ZNF705B: variants seen among roughly 807,000 people sequenced by gnomAD.
The protein encoded by ZNF705B is Putative zinc finger protein 705D-like protein LOC100132396.
Under a neutral mutation model 10.5 loss-of-function variants are expected in ZNF705B, and 1 was observed. The ratio of observed to expected loss-of-function variants is 0.10; its 90% confidence interval spans 0.03 to 0.45. The LOEUF is 0.45. ZNF705B is among the 20% of genes least tolerant of loss of function. The pLI is 0.97. For missense variants in ZNF705B, 14 were observed against 84.0 expected (o/e 0.17, Z 3.26); for synonymous variants, 4 against 25.4 (o/e 0.16, Z 2.53).
At chr8:7,929,281 A>G (rs1819778094) in intron 1 of ZNF705B, among the ~76,000 whole-genome samples, 1 of 121,824 alleles carries the variant, frequency 8.2e-6, no homozygotes, top group African/African-American at 2.5e-5. Flanking sequence ...GCAATTTTAA[A>G]ATAGCTGCCC....
intron 2 of ZNF705B, among the ~76,000 whole-genome samples, chr8:7,932,074 C>T (rs1470614874): frequency 1.3e-4 from 16 of 120,020 alleles, no homozygotes; most frequent in African/African-American, 3.8e-4. Context: ...CGATCCAGTG[C>T]CAACTCCTTC....
At chr8:7,928,951 C>T (rs1422245123) in intron 1 of ZNF705B, among the ~76,000 whole-genome samples, 4 of 112,650 alleles carry the variant, frequency 3.6e-5, no homozygotes, top group African/African-American at 5.2e-5. Flanking sequence ...CTCAGAAGGC[C>T]GCAGGGCTAG....
chr8:7,932,929 G>C (rs1185475872), intron 2 of ZNF705B, among the ~76,000 whole-genome samples: 5 of 107,564 alleles, frequency 4.6e-5, no homozygotes, highest in Admixed American at 2.3e-4. Flanking sequence ...GTGACAGGTG[G>C]TAAAAGCACT....
rs1563492016 is a variant in ZNF705B, at chr8:7,930,853, T to TG, written c.-72+417_-72+418insG. ...TGTTGTGTTATTTTTTTTGTTTTTTTTTTTGTTGTTGTTGTTGTTTTGAGA... is the reference window on the plus strand; with the variant it reads ...TGTTGTGTTATTTTTTTTGTTTTTTTGTTTTGTTGTTGTTGTTGTTTTGAGA... On this transcript the variant is annotated intron_variant, in intron 2 of 6. Transcript: ENST00000400120. Among the ~76,000 whole-genome samples the TG allele has an allele frequency of 5.9e-4, 64 of 108,904 alleles. 2 individuals are homozygous for TG. Among genetic ancestry groups the TG allele is most frequent in the African/African-American group, 1.6e-3 (60 of 38,348 alleles). The allele number at this position is 108,904 out of a possible 152,430, so 71.4% of individuals were successfully genotyped here.
Position 7,936,669 on chromosome 8 carries a change from A to G in ZNF705B, c.-72+6233A>G, listed in dbSNP as rs565842365. On this transcript the variant is annotated intron_variant, in intron 2 of 6. Transcript: ENST00000400120. ...CTCAGTTATAAGGGGGAGCCGAGCA[A>G]TGAGTGCACATGGACATAAAAATGG... 1.1e-4 allele frequency among the ~76,000 whole-genome samples: 13 copies of G among 118,498 alleles called. No individual in the cohort carries two copies. The South Asian group carries it at 3.5e-3, about 32-fold the overall frequency. 77.7% of individuals were successfully genotyped at this position (118,498 alleles called of 152,430 possible). A position where few individuals can be genotyped will look rare whatever the true frequency, so the allele number is the denominator to read the frequency against.
At chr8:7,931,642 C>T (rs576449986) in intron 2 of ZNF705B, among the ~76,000 whole-genome samples, 2 of 122,220 alleles carry the variant, frequency 1.6e-5, no homozygotes, top group African/African-American at 5.0e-5. Context: ...TGGAATAGTG[C>T]CCAGGCAGGT....
chr8:7,927,619 G>A (rs1328916631), intron 1 of ZNF705B, among the ~76,000 whole-genome samples: 2 of 118,380 alleles, frequency 1.7e-5, no homozygotes, highest in Non-Finnish European at 4.0e-5. Context: ...CAAACAGTAG[G>A]AGGTTGACAC....
chr8:7,935,261 C>G (rs1460542009), intron 2 of ZNF705B, among the ~76,000 whole-genome samples: 74 of 131,174 alleles, frequency 5.6e-4, no homozygotes, highest in Middle Eastern at 4.5e-3. Flanking sequence ...CAATTTTTCT[C>G]TAGAAACCAT....
chr8:7,928,872 T>C (rs1219540393), intron 1 of ZNF705B, among the ~76,000 whole-genome samples: 2 of 106,040 alleles, frequency 1.9e-5, no homozygotes, highest in African/African-American at 5.3e-5. Flanking sequence ...CCAAGTGCTC[T>C]CATTTATAAG....
At chr8:7,929,892 T>TG (rs200827553) in intron 1 of ZNF705B, among the ~76,000 whole-genome samples, 1 of 14,648 alleles carries the variant, frequency 6.8e-5, no homozygotes, top group African/African-American at 9.0e-5. Context: ...TTGGCTAAAA[T>TG]AAAAGTGCAA....
chr8:7,927,842 C>G (rs1186233144), intron 1 of ZNF705B, among the ~76,000 whole-genome samples: 1 of 144,618 alleles, frequency 6.9e-6, no homozygotes, highest in African/African-American at 2.5e-5. Flanking sequence ...TCTCTGATGT[C>G]TACATCTCAT....
At chr8:7,926,688 C>A (rs918670676) in intron 1 of ZNF705B, among the ~76,000 whole-genome samples, 1 of 110,362 alleles carries the variant, frequency 9.1e-6, no homozygotes, top group Non-Finnish European at 2.2e-5. Flanking sequence ...GAACACTGAC[C>A]TTTACCCACT....
At position 7,941,229 on chromosome 8, in the gene ZNF705B, G is replaced by A. The variant is rs1395435816; in HGVS notation, c.-71-6122G>A. Among the ~76,000 whole-genome samples, 333 of 144,772 alleles carry A rather than the reference G, an allele frequency of 2.3e-3. 5 individuals carry two copies. Among genetic ancestry groups the A allele is most frequent in the African/African-American group, 7.7e-3 (308 of 39,882 alleles). 95.0% of individuals were successfully genotyped at this position (144,772 alleles called of 152,430 possible). On this transcript the variant is annotated intron_variant, in intron 2 of 6. Coordinates refer to ENST00000400120, the MANE Select transcript of ZNF705B (RefSeq NM_001193630.1). ...CAGTAATGGGATTGCTGGGTCAAGC[G>A]GTATTTCTGGTTGTAGGTCTTTGAG...
rs1223723867 is a variant in ZNF705B at position 7,927,283 on chromosome 8, A to C, written c.-222+886A>C. Among the ~76,000 whole-genome samples, 35 of 119,982 alleles carry C rather than the reference A, an allele frequency of 2.9e-4. 6 individuals carry two copies. Among genetic ancestry groups the C allele is most frequent in the African/African-American group, 8.3e-4 (33 of 39,788 alleles). 78.7% of individuals were successfully genotyped at this position (119,982 alleles called of 152,430 possible). A position where few individuals can be genotyped will look rare whatever the true frequency, so the allele number is the denominator to read the frequency against. Reference sequence around the variant, plus strand: ...GGCAAAGTTGTCCTTATTAAGTTTTAAATTTTAGGGATTTTTTTGAGACAT... The same window carrying C: ...GGCAAAGTTGTCCTTATTAAGTTTTCAATTTTAGGGATTTTTTTGAGACAT... On this transcript the variant is annotated intron_variant, in intron 1 of 6. Coordinates refer to ENST00000400120, the MANE Select transcript of ZNF705B (RefSeq NM_001193630.1).
At chr8:7,935,509 CT>C (rs1554594877) in intron 2 of ZNF705B, among the ~76,000 whole-genome samples, 18 of 95,350 alleles carry the variant, frequency 1.9e-4, no homozygotes, top group African/African-American at 4.8e-4. Context: ...AAAACCAGCA[CT>C]TTTTTTTTTC....
At chr8:7,926,774 CG>C (rs1563489808) in intron 1 of ZNF705B, among the ~76,000 whole-genome samples, 1 of 116,734 alleles carries the variant, frequency 8.6e-6, no homozygotes, top group African/African-American at 2.6e-5. Flanking sequence ...CTTTTATGCA[CG>C]ACCCTGTTCA....
rs1819850425 is a variant in ZNF705B at position 7,931,583 on chromosome 8, G to C, written c.-72+1147G>C. 2.5e-5 allele frequency among the ~76,000 whole-genome samples: 3 copies of C among 122,200 alleles called. No homozygotes were observed. In the South Asian group the frequency reaches 8.1e-4, roughly 33 times the overall value. 80.2% of individuals were successfully genotyped at this position (122,200 alleles called of 152,430 possible). On this transcript the variant is annotated intron_variant, in intron 2 of 6. Coordinates refer to ENST00000400120, the MANE Select transcript of ZNF705B (RefSeq NM_001193630.1). ...CCCCAGCGTCCTGGACAACGACCTT[G>C]GGTAGTGGTAGTGACAGCAATGGGT...
intron 2 of ZNF705B, among the ~76,000 whole-genome samples, chr8:7,930,728 A>G (rs1425705030): frequency 8.8e-6 from 1 of 113,742 alleles, no homozygotes; most frequent in Non-Finnish European, 2.1e-5. Flanking sequence ...CAGCTTACAA[A>G]CCATTTCCAT....
At chr8:7,928,249 C>A (rs1184193824) in intron 1 of ZNF705B, among the ~76,000 whole-genome samples, 12 of 116,182 alleles carry the variant, frequency 1.0e-4, no homozygotes, top group African/African-American at 2.6e-4. Flanking sequence ...AAGCCCGCAC[C>A]TTGTAATATC....
Sources: allele counts gnomAD v4.1 joint callset (sites outside exome capture counted in the v4.1 genomes callset), GRCh38; gene constraint gnomAD v4.1.1; transcripts MANE v1.5; gene names NCBI Gene and HGNC (gene_info 2026-07-23, HGNC 2026-07-21).